The following SYNDIG1L variants were observed in gnomAD, a reference collection of about 807,000 sequenced individuals.
The protein encoded by SYNDIG1L is synapse differentiation-inducing gene protein 1-like.
SYNDIG1L carries 13 observed loss-of-function variants against 20.1 expected under a neutral mutation model. That is an observed-to-expected ratio of 0.65 (90% CI 0.42 to 1.03). SYNDIG1L has a LOEUF of 1.03. Ranked by LOEUF, SYNDIG1L falls within the 50% of genes least tolerant of loss-of-function variation. SYNDIG1L has a pLI of 0.00. For missense variants in SYNDIG1L, 294 were observed against 305.1 expected, an observed-to-expected ratio of 0.96 and a Z score of 0.27; for synonymous variants, 128 against 129.3, an observed-to-expected ratio of 0.99 and a Z score of 0.07.
chr14:74,426,260 G>A (rs553559406), upstream of SYNDIG1L, among the ~76,000 whole-genome samples: 3 of 151,920 alleles, frequency 2.0e-5, no homozygotes, highest in Non-Finnish European at 4.4e-5. Context: ...CGCCGCCGCC[G>A]CCTCCCTCTC....
At chr14:74,469,722 C>T in the SYNDIG1L span, among the ~76,000 whole-genome samples, 1 of 152,210 alleles carries the variant, frequency 6.6e-6, no homozygotes, top group Admixed American at 6.5e-5. Flanking sequence ...CTGAGCTCAG[C>T]ACACAGTTCT....
the SYNDIG1L span, among the ~76,000 whole-genome samples, chr14:74,452,269 TA>T: frequency 2.0e-5 from 3 of 152,174 alleles, no homozygotes; most frequent in Admixed American, 2.0e-4. Flanking sequence ...CCTCATACAC[TA>T]TTGGTGGGAT....
the SYNDIG1L span, among the ~76,000 whole-genome samples, chr14:74,437,237 G>A: frequency 2.0e-5 from 3 of 152,174 alleles, no homozygotes; most frequent in South Asian, 6.2e-4. Flanking sequence ...TCAGTGACAG[G>A]GGACTCAAAT....
At chr14:74,474,295 G>A in the SYNDIG1L span, 1 of 152,228 alleles carries the variant, frequency 6.6e-6, no homozygotes, top group Non-Finnish European at 1.5e-5. Context: ...AAATTTCTCT[G>A]TTACCCACCT....
the SYNDIG1L span, among the ~76,000 whole-genome samples, chr14:74,443,210 C>T: frequency 2.2e-4 from 34 of 152,074 alleles, no homozygotes; most frequent in Non-Finnish European, 4.6e-4. Flanking sequence ...GAAAAGGAGA[C>T]AAGGGGGAGG....
the SYNDIG1L span, among the ~76,000 whole-genome samples, chr14:74,478,566 G>A: frequency 6.6e-6 from 1 of 152,204 alleles, no homozygotes; most frequent in Non-Finnish European, 1.5e-5. Flanking sequence ...GGGCAGAGGA[G>A]TATGCAGGGT....
the SYNDIG1L span, among the ~76,000 whole-genome samples, chr14:74,444,499 C>T: frequency 0.015 from 2,211 of 151,386 alleles, 64 homozygotes; most frequent in African/African-American, 0.051. Context: ...GCCTGTAATC[C>T]CAGCACTTTG....
At chr14:74,452,119 G>A in the SYNDIG1L span, among the ~76,000 whole-genome samples, 1 of 151,420 alleles carries the variant, frequency 6.6e-6, no homozygotes, top group Admixed American at 6.6e-5. Flanking sequence ...GTAAACACAT[G>A]AAAAGATACT....
In SYNDIG1L at chr14:74,422,653, T is replaced by TCACACACACACACACACACACA. The variant is rs34711949; in HGVS notation, c.-58+3237_-58+3258dup. 1.2e-3 allele frequency among the ~76,000 whole-genome samples: 174 copies of TCACACACACACACACACACACA among 140,478 alleles called. 1 individual carries two copies. The highest frequency in any genetic ancestry group is 5.1e-3 in the East Asian group (23 of 4,548). The allele number at this position is 140,478 out of a possible 152,430, so 92.2% of individuals were successfully genotyped here. A position where few individuals can be genotyped will look rare whatever the true frequency, so the allele number is the denominator to read the frequency against. ...TATTTCAACATTTTAATCTCTCTCT[T>TCACACACACACACACACACACA]CACACACACACACACACACACACAC... is the stretch of plus-strand genomic sequence containing the variant. On this transcript the variant is annotated intron_variant, in intron 1 of 3. Transcript: ENST00000331628.
At position 74,415,702 on chromosome 14, in the gene SYNDIG1L, G is replaced by A. The variant is rs2086168873; in HGVS notation, c.-57-5901C>T. Among the ~76,000 whole-genome samples the A allele has an allele frequency of 5.9e-5, 9 of 152,088 alleles. No individual in the cohort carries two copies. The South Asian group carries it at 1.9e-3, about 32-fold the overall frequency. On this transcript the variant is annotated intron_variant, in intron 1 of 3. Transcript: ENST00000331628. ...CTATAGGCATGTACCACCACGCCCA[G>A]CTATTTTTTTGTATTTTTTGTAGAA...
At chr14:74,476,886 T>C in the SYNDIG1L span, among the ~76,000 whole-genome samples, 3 of 152,148 alleles carry the variant, frequency 2.0e-5, no homozygotes, top group Non-Finnish European at 4.4e-5. Flanking sequence ...GTTTAGAATC[T>C]AGGGATAGGC....
At chr14:74,431,251 A>G in the SYNDIG1L span, among the ~76,000 whole-genome samples, 2 of 151,692 alleles carry the variant, frequency 1.3e-5, no homozygotes, top group South Asian at 4.2e-4. Context: ...GTGTGTGTGT[A>G]TATGTAAGGT....
chr14:74,425,753 G>A (rs1566586557), intron 1 of SYNDIG1L, among the ~76,000 whole-genome samples, 159 bp downstream of exon 1: 1 of 152,198 alleles, frequency 6.6e-6, no homozygotes, highest in Non-Finnish European at 1.5e-5. Flanking sequence ...AGGATGAGGG[G>A]TAGGGAGGGA....
At chr14:74,472,303 T>A in the SYNDIG1L span, 5 of 152,252 alleles carry the variant, frequency 3.3e-5, no homozygotes, top group Non-Finnish European at 5.9e-5. Flanking sequence ...ACCTTCTTTC[T>A]GCACATTTCT....
chr14:74,453,112 C>A, the SYNDIG1L span, among the ~76,000 whole-genome samples: 2 of 151,864 alleles, frequency 1.3e-5, no homozygotes, highest in East Asian at 3.9e-4. Context: ...TTTGGGAGCA[C>A]AAGGCAGGTG....
chr14:74,415,276 C>T (rs565701224), intron 1 of SYNDIG1L, among the ~76,000 whole-genome samples: 86 of 152,268 alleles, frequency 5.6e-4, no homozygotes, highest in African/African-American at 1.9e-3. Flanking sequence ...CCGCCAGAAG[C>T]GAAAGTTGTC....
Position 74,409,427 on chromosome 14 carries a change from T to C in SYNDIG1L, c.318A>G (p.Thr106=), listed in dbSNP as rs1202006303. 6.2e-7 allele frequency: 1 copy of C among 1,613,836 alleles called. No individual in the cohort carries two copies. The change falls in exon 2 of 4, where the codon ACA becomes ACG. Residue 106 remains threonine (T), a synonymous_variant. Coordinates refer to ENST00000331628, the MANE Select transcript of SYNDIG1L (RefSeq NM_001105579.2). ...EPQEGPPEQP[T]GPGQAAENVT... Reference sequence around the variant, plus strand: ...CATTCTCTGCAGCTTGGCCAGGTCCTGTGGGCTGCTCTGGAGGCCCCTCCT... The same window carrying C: ...CATTCTCTGCAGCTTGGCCAGGTCCCGTGGGCTGCTCTGGAGGCCCCTCCT...
At chr14:74,434,809 C>T in the SYNDIG1L span, among the ~76,000 whole-genome samples, 1 of 151,242 alleles carries the variant, frequency 6.6e-6, no homozygotes. Context: ...AGGCTGGGCG[C>T]GGTGGCTCAC....
chr14:74,452,977 A>G, the SYNDIG1L span, among the ~76,000 whole-genome samples: 3 of 152,352 alleles, frequency 2.0e-5, no homozygotes, highest in East Asian at 5.8e-4. Flanking sequence ...GAGCCAGACC[A>G]GAAAAGTGTA....
Sources: allele counts gnomAD v4.1 joint callset (sites outside exome capture counted in the v4.1 genomes callset), GRCh38; gene constraint gnomAD v4.1.1; transcripts MANE v1.5; gene names NCBI Gene and HGNC (gene_info 2026-07-23, HGNC 2026-07-21).